The following HEMK2 variants were observed in gnomAD, a reference collection of about 807,000 sequenced individuals.
HEMK2 encodes the protein methyltransferase HEMK2.
the HEMK2 span, among the ~76,000 whole-genome samples, chr21:28,735,464 C>T: frequency 3.9e-5 from 6 of 152,192 alleles, no homozygotes; most frequent in African/African-American, 1.4e-4. Context: ...AGATGACCCA[C>T]ATTCCTTATC....
At chr21:28,736,513 T>C in the HEMK2 span, among the ~76,000 whole-genome samples, 1 of 152,134 alleles carries the variant, frequency 6.6e-6, no homozygotes, top group Non-Finnish European at 1.5e-5. Flanking sequence ...CCCAACACTT[T>C]GGGAGGCCGA....
the HEMK2 span, among the ~76,000 whole-genome samples, chr21:28,707,567 A>C: frequency 6.6e-6 from 1 of 152,092 alleles, no homozygotes; most frequent in Non-Finnish European, 1.5e-5. Flanking sequence ...AAATATTTTT[A>C]TCTCTTTAAC....
chr21:28,753,377 A>T, the HEMK2 span, among the ~76,000 whole-genome samples: 1 of 150,006 alleles, frequency 6.7e-6, no homozygotes, highest in African/African-American at 2.4e-5. Flanking sequence ...AAAAAAAAGT[A>T]GAAGGTAACG....
the HEMK2 span, among the ~76,000 whole-genome samples, chr21:28,768,499 T>C: frequency 0.55 from 83,822 of 151,788 alleles, 26,684 homozygotes; most frequent in African/African-American, 0.87. Flanking sequence ...CCACACTCAA[T>C]TCAGAGGAAA....
the HEMK2 span, among the ~76,000 whole-genome samples, chr21:28,841,232 ATATATTTATATATAT>A: frequency 1.9e-4 from 1 of 5,188 alleles, no homozygotes; most frequent in African/African-American, 1.4e-3. Context: ...TATATATTAT[ATATATTTATATATAT>A]AATATATTAT....
At chr21:28,674,526 G>A in the HEMK2 span, 1 of 152,272 alleles carries the variant, frequency 6.6e-6, no homozygotes, top group East Asian at 1.9e-4. Context: ...CTCCCAGGGA[G>A]CTTGTCCTGC....
chr21:28,849,304 C>A, the HEMK2 span, among the ~76,000 whole-genome samples: 1 of 152,040 alleles, frequency 6.6e-6, no homozygotes, highest in African/African-American at 2.4e-5. Context: ...CCACATTATA[C>A]TACAATCAAA....
At chr21:28,788,510 T>C in the HEMK2 span, among the ~76,000 whole-genome samples, 5 of 151,894 alleles carry the variant, frequency 3.3e-5, no homozygotes, top group South Asian at 1.0e-3. Flanking sequence ...ACAAACGGAC[T>C]TTGAGGATTT....
At chr21:28,697,442 T>C in the HEMK2 span, among the ~76,000 whole-genome samples, 1 of 152,288 alleles carries the variant, frequency 6.6e-6, no homozygotes, top group Non-Finnish European at 1.5e-5. Flanking sequence ...TCCAGATCAC[T>C]ATCAGCATTT....
the HEMK2 span, among the ~76,000 whole-genome samples, chr21:28,796,754 A>C: frequency 1.3e-5 from 2 of 151,752 alleles, no homozygotes; most frequent in African/African-American, 4.8e-5. Context: ...TATTTTGTAG[A>C]AACGGGAGTC....
chr21:28,604,686 T>C, the HEMK2 span, among the ~76,000 whole-genome samples: 2 of 152,236 alleles, frequency 1.3e-5, no homozygotes, highest in Admixed American at 6.5e-5. Flanking sequence ...CCTGAGACCA[T>C]ATGATAAAGA....
At chr21:28,635,892 G>A in the HEMK2 span, among the ~76,000 whole-genome samples, 6 of 152,224 alleles carry the variant, frequency 3.9e-5, no homozygotes, top group South Asian at 1.2e-3. Flanking sequence ...TGGTAAATAT[G>A]CTTGAGGAAT....
At chr21:28,606,260 C>T in the HEMK2 span, among the ~76,000 whole-genome samples, 2 of 151,940 alleles carry the variant, frequency 1.3e-5, no homozygotes, top group Non-Finnish European at 2.9e-5. Flanking sequence ...AACAAAAACG[C>T]CAGGGAGCCT....
the HEMK2 span, among the ~76,000 whole-genome samples, chr21:28,804,067 C>T: frequency 6.6e-6 from 1 of 152,178 alleles, no homozygotes; most frequent in Admixed American, 6.5e-5. Context: ...AGAAATGAAG[C>T]ACAAGTACTC....
At chr21:28,713,700 C>T in the HEMK2 span, among the ~76,000 whole-genome samples, 1 of 152,314 alleles carries the variant, frequency 6.6e-6, no homozygotes, top group Non-Finnish European at 1.5e-5. Flanking sequence ...ACCTTCTGCG[C>T]TTTTCCTTTT....
chr21:28,675,066 G>A, the HEMK2 span, among the ~76,000 whole-genome samples: 7 of 152,174 alleles, frequency 4.6e-5, no homozygotes, highest in South Asian at 2.1e-4. Flanking sequence ...AAGGACCTAC[G>A]GGCTAAAACA....
At chr21:28,703,376 TG>T in the HEMK2 span, among the ~76,000 whole-genome samples, 1 of 151,276 alleles carries the variant, frequency 6.6e-6, no homozygotes. Context: ...GCTGGACAGA[TG>T]GGGAGGGGAT....
the HEMK2 span, among the ~76,000 whole-genome samples, chr21:28,846,643 C>T: frequency 6.6e-6 from 1 of 151,578 alleles, no homozygotes; most frequent in African/African-American, 2.4e-5. Flanking sequence ...TTTTTTTTAA[C>T]CTTTATTTTA....
chr21:28,656,905 A>C, the HEMK2 span, among the ~76,000 whole-genome samples: 10 of 152,242 alleles, frequency 6.6e-5, no homozygotes, highest in African/African-American at 1.9e-4. Flanking sequence ...CTTCAAGAGA[A>C]AAATGAAAAA....
Sources: gnomAD v4.1 joint callset for allele counts (sites outside exome capture counted in the v4.1 genomes callset) on GRCh38, gnomAD v4.1.1 for gene constraint, MANE v1.5 for transcripts, NCBI Gene and HGNC (gene_info 2026-07-23, HGNC 2026-07-21) for gene names.